The following GRID2 variants were observed in gnomAD, a reference collection of about 807,000 sequenced individuals.
The protein encoded by GRID2 is glutamate ionotropic receptor delta type subunit 2, also known as glutamate receptor ionotropic, delta-2.
GRID2 carries 33 observed loss-of-function variants against 114.8 expected under a neutral mutation model. That is an observed-to-expected ratio of 0.29 (90% CI 0.22 to 0.38). The LOEUF (loss-of-function observed/expected upper bound fraction) is 0.38. Among genes scored for constraint, GRID2 ranks in the 10% least tolerant of loss-of-function variants. The pLI, the probability that GRID2 is intolerant of heterozygous loss-of-function variation, is 1.00. For missense variants in GRID2, 1,184 were observed against 1,257.7 expected (o/e 0.94, Z 0.89); for synonymous variants, 505 against 449.9 (o/e 1.12, Z -1.55).
chr4:92,943,194 C>T (rs1195157668), intron 2 of GRID2, among the ~76,000 whole-genome samples: 1 of 152,186 alleles, frequency 6.6e-6, no homozygotes, highest in South Asian at 2.1e-4. Flanking sequence ...CTCCCTGTCA[C>T]TTTCAGGTAC....
chr4:93,328,037 G>A (rs529621040), intron 8 of GRID2, among the ~76,000 whole-genome samples: 1 of 151,962 alleles, frequency 6.6e-6, no homozygotes, highest in East Asian at 1.9e-4. Context: ...GTCCTGGCCG[G>A]GCGCAGTGGC....
rs1288168223 is a variant in GRID2 at position 93,609,070 on chromosome 4, G to C, written c.2194-17199G>C. ...CATTTCTCTGATGGCCAGTGATGATGAGCATTTTTTCATGTGTTTTTTGGC... is the reference window on the plus strand; with the variant it reads ...CATTTCTCTGATGGCCAGTGATGATCAGCATTTTTTCATGTGTTTTTTGGC... On this transcript the variant is annotated intron_variant, in intron 13 of 15. Coordinates refer to ENST00000282020, the MANE Select transcript of GRID2 (RefSeq NM_001510.4). Among the ~76,000 whole-genome samples, 2 of 101,532 alleles carry C rather than the reference G, an allele frequency of 2.0e-5. 1 individual carries two copies. Among genetic ancestry groups the C allele is most frequent in the Non-Finnish European group, 4.3e-5 (2 of 46,472 alleles). 66.6% of individuals were successfully genotyped at this position (101,532 alleles called of 152,430 possible).
At chr4:92,866,846 C>T (rs1255345296) in intron 2 of GRID2, among the ~76,000 whole-genome samples, 1 of 152,110 alleles carries the variant, frequency 6.6e-6, no homozygotes, top group Non-Finnish European at 1.5e-5. Flanking sequence ...CCACCGCTCC[C>T]GGCCGATGTT....
chr4:92,654,939 G>A (rs375668639), intron 2 of GRID2, among the ~76,000 whole-genome samples: 18 of 152,006 alleles, frequency 1.2e-4, no homozygotes, highest in African/African-American at 4.3e-4. Flanking sequence ...TGCTTTTGAG[G>A]TCTTAGCCAT....
intron 2 of GRID2, among the ~76,000 whole-genome samples, chr4:92,753,903 TTAAA>T (rs1383861403): frequency 6.6e-6 from 1 of 152,202 alleles, no homozygotes; most frequent in African/African-American, 2.4e-5. Context: ...TTTTCCATTG[TTAAA>T]TAATTATCAA....
chr4:92,774,177 T>A (rs1258793080), intron 2 of GRID2, among the ~76,000 whole-genome samples: 1 of 151,928 alleles, frequency 6.6e-6, no homozygotes, highest in Non-Finnish European at 1.5e-5. Context: ...CACTTTAAGC[T>A]CAGAGTGAAG....
At chr4:93,167,929 C>A (rs1007890895) in intron 4 of GRID2, among the ~76,000 whole-genome samples, 14 of 152,002 alleles carry the variant, frequency 9.2e-5, no homozygotes, top group African/African-American at 3.1e-4. Flanking sequence ...TGCAGTGGCT[C>A]ACACCTGTAT....
At chr4:93,178,975 T>A (rs773237906) in intron 4 of GRID2, among the ~76,000 whole-genome samples, 25 of 152,068 alleles carry the variant, frequency 1.6e-4, no homozygotes, top group Admixed American at 4.6e-4. Context: ...GATTTCTGGC[T>A]CTTTTATTTG....
chr4:93,365,414 T>A (rs994178593), intron 8 of GRID2, among the ~76,000 whole-genome samples: 10 of 152,214 alleles, frequency 6.6e-5, no homozygotes, highest in Non-Finnish European at 1.5e-4. Flanking sequence ...GCATAGTAGG[T>A]ATTCCATGTA....
intron 13 of GRID2, among the ~76,000 whole-genome samples, chr4:93,517,757 T>C (rs1207283243): frequency 6.6e-6 from 1 of 151,744 alleles, no homozygotes; most frequent in Non-Finnish European, 1.5e-5. Flanking sequence ...GTCTTGAACA[T>C]TTCACACAGC....
intron 8 of GRID2, among the ~76,000 whole-genome samples, chr4:93,338,166 A>G (rs1487736192): frequency 1.3e-5 from 2 of 152,154 alleles, no homozygotes; most frequent in South Asian, 2.1e-4. Flanking sequence ...GCTACAATAC[A>G]TAACAGTTTT....
Position 92,788,400 on chromosome 4 carries a change from G to T in GRID2, c.244+198114G>T, listed in dbSNP as rs1049645372. ...ATAGAGAATTGAAAGAAATGGGAAA[G>T]GGGAATATAGCTAACTCTTCTTTCA... On this transcript the variant is annotated intron_variant, in intron 2 of 15. Transcript: ENST00000282020. Among the ~76,000 whole-genome samples, 6 of 151,994 alleles carry T rather than the reference G, an allele frequency of 3.9e-5. No individual in the cohort carries two copies. The South Asian group carries it at 1.0e-3, about 26-fold the overall frequency.
At chr4:92,316,594 G>A (rs934438662) in intron 1 of GRID2, among the ~76,000 whole-genome samples, 2 of 152,010 alleles carry the variant, frequency 1.3e-5, no homozygotes, top group South Asian at 2.1e-4. Context: ...AACAAGACAC[G>A]TTTCATATCC....
At position 92,555,096 on chromosome 4, in the gene GRID2, T is replaced by A. The variant is rs546124676; in HGVS notation, c.89-35035T>A. On this transcript the variant is annotated intron_variant, in intron 1 of 15. Transcript: ENST00000282020. ...ATCCAGTCGTGAGAGTTGCATGAGT[T>A]TGCAGGCAGAAGTACCATAAAATAT... Among the ~76,000 whole-genome samples the A allele has an allele frequency of 2.0e-5, 3 of 152,254 alleles. No individual in the cohort carries two copies. The East Asian group carries it at 5.8e-4, about 29-fold the overall frequency.
At chr4:92,725,703 T>C (rs530364937) in intron 2 of GRID2, among the ~76,000 whole-genome samples, 23 of 152,304 alleles carry the variant, frequency 1.5e-4, no homozygotes, top group Admixed American at 6.5e-4. Flanking sequence ...ATATATTCCC[T>C]AGATTTTAAG....
At chr4:92,480,844 C>T (rs1407727035) in intron 1 of GRID2, among the ~76,000 whole-genome samples, 1 of 152,138 alleles carries the variant, frequency 6.6e-6, no homozygotes, top group Non-Finnish European at 1.5e-5. Flanking sequence ...TCTTCAAAAT[C>T]CCTATTTCAT....
intron 8 of GRID2, among the ~76,000 whole-genome samples, chr4:93,339,334 A>T (rs776565580): frequency 2.6e-5 from 4 of 152,188 alleles, no homozygotes; most frequent in Non-Finnish European, 5.9e-5. Flanking sequence ...TGGGCCAGTA[A>T]TCTAATATGA....
intron 4 of GRID2, among the ~76,000 whole-genome samples, chr4:93,138,855 T>C (rs935969647): frequency 3.9e-5 from 6 of 152,242 alleles, no homozygotes; most frequent in African/African-American, 1.2e-4. Flanking sequence ...CAAGTAAGAT[T>C]AGATCACTCC....
At chr4:93,486,129 G>A (rs563542408) in intron 11 of GRID2, among the ~76,000 whole-genome samples, 1 of 151,740 alleles carries the variant, frequency 6.6e-6, no homozygotes, top group Admixed American at 6.6e-5. Context: ...TATTGCAAAT[G>A]ATATGTTTTT....
Sources: allele counts gnomAD v4.1 joint callset (sites outside exome capture counted in the v4.1 genomes callset), GRCh38; gene constraint gnomAD v4.1.1; transcripts MANE v1.5; gene names NCBI Gene and HGNC (gene_info 2026-07-23, HGNC 2026-07-21).